TBC1D1: variants seen among roughly 807,000 people sequenced by gnomAD.
TBC1D1 encodes the protein TBC1 (tre-2/USP6, BUB2, cdc16) domain family, member 1.
In TBC1D1, 89 loss-of-function variants were observed where a neutral mutation model predicts 125.6. The observed-to-expected ratio is 0.71, with a 90% CI of 0.60 to 0.85. The LOEUF is 0.85. Ranked by LOEUF, TBC1D1 falls within the 40% of genes least tolerant of loss-of-function variation. The pLI is 0.00. For synonymous variants in TBC1D1, 565 were observed against 564.1 expected (o/e 1.00, Z -0.02); for missense variants, 1,377 against 1,469.2 (o/e 0.94, Z 1.03).
At chr4:37,939,699 A>G (rs1001745412) in intron 2 of TBC1D1, among the ~76,000 whole-genome samples, 5 of 152,184 alleles carry the variant, frequency 3.3e-5, no homozygotes, top group African/African-American at 1.2e-4. Context: ...TAATTTTTGT[A>G]TAAGGTATAA....
rs147774491 is a variant in TBC1D1 at position 37,925,152 on chromosome 4, A to C, written c.417+22640A>C. On this transcript the variant is annotated intron_variant, in intron 2 of 19. Transcript: ENST00000261439. ...CAGGCCCTGGGCTCCATGCCGAGGC[A>C]CACAGTCACACGTCATACCTAGTGT... Among the ~76,000 whole-genome samples the C allele has an allele frequency of 4.4e-3, 670 of 152,326 alleles. 6 individuals are homozygous for C. The highest frequency in any genetic ancestry group is 8.2e-3 in the Non-Finnish European group (557 of 68,026).
chr4:38,083,590 T>G (rs1756949722), intron 12 of TBC1D1, among the ~76,000 whole-genome samples: 1 of 152,226 alleles, frequency 6.6e-6, no homozygotes, highest in East Asian at 1.9e-4. Context: ...TTTACCTACT[T>G]AATGCTCACA....
At chr4:38,044,079 A>G (rs536746051) in intron 8 of TBC1D1, among the ~76,000 whole-genome samples, 172 of 152,388 alleles carry the variant, frequency 1.1e-3, no homozygotes, top group Non-Finnish European at 2.1e-3. Context: ...CGGTTAGTGA[A>G]GACAGATCTC....
At chr4:37,996,015 TC>T in intron 2 of TBC1D1, 1 of 523,286 alleles carries the variant, frequency 1.9e-6, no homozygotes, top group Non-Finnish European at 3.8e-6. Context: ...GATGGGGATG[TC>T]CAGTGGGGCC....
chr4:38,134,167 T>C (rs1029208732), intron 19 of TBC1D1, among the ~76,000 whole-genome samples: 1 of 152,214 alleles, frequency 6.6e-6, no homozygotes, highest in Admixed American at 6.5e-5. Flanking sequence ...TGAGAATAAG[T>C]TCCATTCTGA....
chr4:38,078,624 C>T lies in TBC1D1; in HGVS notation c.2051-11308C>T, dbSNP rs142644112. Among the ~76,000 whole-genome samples the T allele has an allele frequency of 9.2e-5, 14 of 152,342 alleles. No individual in the cohort carries two copies. In the East Asian group the frequency reaches 2.7e-3, roughly 29 times the overall value. On this transcript the variant is annotated intron_variant, in intron 12 of 19. Transcript: ENST00000261439. ...GAGACCCCAGAGCTTCCTCTCTCTT[C>T]ACCCTGTGAGGATACAGCAAGAAGG...
chr4:38,137,028 T>A, intron 19 of TBC1D1, 107 bp from the exon 22 acceptor site: 1 of 1,561,980 alleles, frequency 6.4e-7, no homozygotes, highest in South Asian at 1.2e-5. Context: ...TCATCCCTGC[T>A]GAAACTCGGC....
chr4:38,053,021 GTTTCT>G lies in TBC1D1; in HGVS notation c.1911-1174_1911-1170del, dbSNP rs571813951. On this transcript the variant is annotated intron_variant, in intron 11 of 19. Coordinates refer to ENST00000261439, the MANE Select transcript of TBC1D1 (RefSeq NM_015173.4). ...CTTTTCTTAGCATTAGAACAAAAAT[GTTTCT>G]TTTATTTTGAAGCTTATATTTTATA... The G allele has an allele frequency of 4.2e-5, 43 of 1,030,440 alleles. 1 individual carries two copies. In the East Asian group the frequency reaches 1.1e-3, roughly 26 times the overall value. 63.8% of individuals were successfully genotyped at this position (1,030,440 alleles called of 1,614,324 possible). A position where few individuals can be genotyped will look rare whatever the true frequency, so the allele number is the denominator to read the frequency against.
chr4:37,960,490 C>T, intron 2 of TBC1D1: 2 of 1,614,056 alleles, frequency 1.2e-6, no homozygotes, highest in Non-Finnish European at 1.7e-6. Flanking sequence ...ACCCGTGTGG[C>T]TGCCAAGGAT....
chr4:38,048,799 A>G (rs1749948479), intron 10 of TBC1D1, among the ~76,000 whole-genome samples: 1 of 152,188 alleles, frequency 6.6e-6, no homozygotes, highest in Non-Finnish European at 1.5e-5. Context: ...AGTGTTAAAC[A>G]TCAGTTTGCT....
chr4:37,948,190 C>T (rs1370655319), intron 2 of TBC1D1, among the ~76,000 whole-genome samples: 3 of 152,122 alleles, frequency 2.0e-5, no homozygotes, highest in African/African-American at 4.8e-5. Context: ...TAAGAGGCAC[C>T]ATGTCAGAGG....
In TBC1D1 at chr4:38,035,623, A is replaced by T. The variant is rs140673717; in HGVS notation, c.1338A>T (p.Glu446Asp). 6.2e-7 allele frequency: 1 copy of T among 1,613,780 alleles called. No individual in the cohort carries two copies. The highest frequency in any genetic ancestry group is 1.3e-5 in the African/African-American group (1 of 74,936). Residue 446 changes from glutamate to aspartate, a missense_variant, in exon 8 of 20, where the codon GAA (glutamate) becomes GAT (aspartate). This residue lies in a region of TBC1D1 where 822 missense variants were observed against 824.6 expected (regional missense o/e 1.00). Transcript: ENST00000261439. ...CGAGAAATGAGCAGCGAGAGAATGAATTGATTATTTCTTTTCTGAGATGTT... is the reference window on the plus strand; with the variant it reads ...CGAGAAATGAGCAGCGAGAGAATGATTTGATTATTTCTTTTCTGAGATGTT...
chr4:37,975,598 A>G (rs538073736), intron 2 of TBC1D1, among the ~76,000 whole-genome samples: 13 of 152,344 alleles, frequency 8.5e-5, no homozygotes, highest in African/African-American at 3.1e-4. Flanking sequence ...ACTTGGCAAC[A>G]GGCGTCTTCC....
chr4:37,894,610 T>C (rs59938895), intron 1 of TBC1D1, among the ~76,000 whole-genome samples: 1 of 152,144 alleles, frequency 6.6e-6, no homozygotes, highest in African/African-American at 2.4e-5. Flanking sequence ...AGGTAAGCCC[T>C]ATAGGTTTGT....
At chr4:37,971,526 C>T (rs1417526211) in intron 2 of TBC1D1, among the ~76,000 whole-genome samples, 5 of 152,140 alleles carry the variant, frequency 3.3e-5, no homozygotes, top group African/African-American at 9.7e-5. Flanking sequence ...TCAGTTATCT[C>T]CCACTGTGTC....
At chr4:38,065,781 G>A (rs1753623872) in intron 12 of TBC1D1, among the ~76,000 whole-genome samples, 1 of 151,950 alleles carries the variant, frequency 6.6e-6, no homozygotes, top group South Asian at 2.1e-4. Context: ...TAGTAGCTGG[G>A]ATTACAGGCG....
intron 15 of TBC1D1, among the ~76,000 whole-genome samples, chr4:38,105,606 C>G (rs569176586): frequency 3.9e-5 from 6 of 152,258 alleles, no homozygotes; most frequent in Non-Finnish European, 5.9e-5. Context: ...TCTCCACCCC[C>G]CAGGAGTCCC....
At chr4:37,931,216 C>T (rs1047033589) in intron 2 of TBC1D1, among the ~76,000 whole-genome samples, 1 of 152,144 alleles carries the variant, frequency 6.6e-6, no homozygotes, top group Admixed American at 6.5e-5. Flanking sequence ...GATTCTCCTG[C>T]CTCACCCTCC....
At chr4:37,947,657 C>T (rs1386796915) in intron 2 of TBC1D1, among the ~76,000 whole-genome samples, 1 of 152,152 alleles carries the variant, frequency 6.6e-6, no homozygotes, top group Non-Finnish European at 1.5e-5. Context: ...CAGGGTCTCA[C>T]TATGTTGCCC....
Sources: gnomAD v4.1 joint callset for allele counts (sites outside exome capture counted in the v4.1 genomes callset) on GRCh38, gnomAD v4.1.1 for gene constraint, gnomAD v4.1.1 regional missense constraint, MANE v1.5 for transcripts, NCBI Gene and HGNC (gene_info 2026-07-23, HGNC 2026-07-21) for gene names.